CTNND2: variants seen among roughly 807,000 people sequenced by gnomAD.
The protein encoded by CTNND2 is catenin delta-2.
In CTNND2, 22 loss-of-function variants were observed where a neutral mutation model predicts 144.4. The ratio of observed to expected loss-of-function variants is 0.15; its 90% confidence interval spans 0.11 to 0.22. The LOEUF is 0.22. CTNND2 is among the 10% of genes least tolerant of loss of function. CTNND2 has a pLI of 1.00. For synonymous variants in CTNND2, 751 were observed against 695.6 expected, an observed-to-expected ratio of 1.08 and a Z score of -1.25; for missense variants, 1,353 against 1,618.8, an observed-to-expected ratio of 0.84 and a Z score of 2.82.
chr5:11,736,469 T>G (rs567220972), intron 1 of CTNND2, among the ~76,000 whole-genome samples: 17 of 152,330 alleles, frequency 1.1e-4, no homozygotes, highest in African/African-American at 4.1e-4. Flanking sequence ...TTCATAATTT[T>G]TTTAATCCAA....
chr5:11,439,114 C>T (rs939279521), intron 3 of CTNND2, among the ~76,000 whole-genome samples: 3 of 152,094 alleles, frequency 2.0e-5, no homozygotes, highest in African/African-American at 7.2e-5. Context: ...TCAGTAACCT[C>T]TCATTTCCTG....
At chr5:11,482,179 A>G (rs1332115024) in intron 3 of CTNND2, among the ~76,000 whole-genome samples, 2 of 152,132 alleles carry the variant, frequency 1.3e-5, no homozygotes, top group Non-Finnish European at 2.9e-5. Flanking sequence ...GGTGTTTTGC[A>G]GTTTCCCAGG....
chr5:11,311,973 A>G (rs1476407339), intron 9 of CTNND2, among the ~76,000 whole-genome samples: 1 of 136,566 alleles, frequency 7.3e-6, no homozygotes, highest in African/African-American at 2.9e-5. Context: ...TCCCACACAC[A>G]CCCACACACT....
chr5:11,526,597 C>T (rs1056142277), intron 3 of CTNND2, among the ~76,000 whole-genome samples: 1 of 152,188 alleles, frequency 6.6e-6, no homozygotes, highest in East Asian at 1.9e-4. Context: ...CAGCCCTCTT[C>T]TAAACATGTC....
intron 1 of CTNND2, among the ~76,000 whole-genome samples, chr5:11,879,339 GTGTATA>G (rs1735802976): frequency 2.0e-5 from 2 of 101,004 alleles, no homozygotes; most frequent in Admixed American, 1.1e-4. Flanking sequence ...AATTAAATGT[GTGTATA>G]TATATATATA....
Position 11,438,619 on chromosome 5 carries a change from T to C in CTNND2, c.288-26550A>G, listed in dbSNP as rs61755474. 5.8e-3 allele frequency among the ~76,000 whole-genome samples: 876 copies of C among 152,328 alleles called. 15 individuals are homozygous for C. Among genetic ancestry groups the C allele is most frequent in the African/African-American group, 0.02 (829 of 41,580 alleles). On this transcript the variant is annotated intron_variant, in intron 3 of 21. Transcript: ENST00000304623. Reference sequence around the variant, plus strand: ...AGCAGCAAATGACTAAGAATGAACATGATTATTAATCTTCATGATCTACAG... The same window carrying C: ...AGCAGCAAATGACTAAGAATGAACACGATTATTAATCTTCATGATCTACAG...
Position 10,988,366 on chromosome 5 carries a change from G to T in CTNND2, c.3212-124C>A. 8.3e-7 allele frequency: 1 copy of T among 1,205,898 alleles called. No homozygotes were observed. The highest frequency in any genetic ancestry group is 1.2e-6 in the Non-Finnish European group (1 of 866,522). The allele number at this position is 1,205,898 out of a possible 1,614,324, so 74.7% of individuals were successfully genotyped here. On this transcript the variant is annotated intron_variant, in intron 19 of 21. Coordinates refer to ENST00000304623, the MANE Select transcript of CTNND2 (RefSeq NM_001332.4). This position sits in a 1 kb window ranked among gnomAD's most constrained non-coding sequence, Gnocchi z 5.9. ...TCAATGCCTACGTGAGGACCTGATG[G>T]GTTTTCTTTTTAATTTTTATTTTTT...
chr5:11,158,291 A>G (rs1028649705), intron 12 of CTNND2, among the ~76,000 whole-genome samples: 17 of 152,194 alleles, frequency 1.1e-4, no homozygotes, highest in Admixed American at 9.8e-4. Context: ...AGAGCCTACA[A>G]TTTTAGCTTT....
At chr5:11,877,768 C>T (rs1451786698) in intron 1 of CTNND2, among the ~76,000 whole-genome samples, 1 of 152,048 alleles carries the variant, frequency 6.6e-6, no homozygotes, top group African/African-American at 2.4e-5. Context: ...GGTATCATTT[C>T]TCTTTAAGAC....
intron 12 of CTNND2, among the ~76,000 whole-genome samples, chr5:11,128,952 T>TAA (rs1561350887): frequency 5.3e-4 from 25 of 47,310 alleles, no homozygotes; most frequent in African/African-American, 1.8e-3. Context: ...ATATATAATA[T>TAA]ATAAATATAT....
At chr5:11,301,882 T>C (rs556310936) in intron 9 of CTNND2, among the ~76,000 whole-genome samples, 1 of 152,214 alleles carries the variant, frequency 6.6e-6, no homozygotes, top group East Asian at 1.9e-4. Context: ...ATGATGGAAA[T>C]GACATTTTTC....
At chr5:11,416,618 T>A (rs911878490) in intron 3 of CTNND2, among the ~76,000 whole-genome samples, 10 of 152,224 alleles carry the variant, frequency 6.6e-5, no homozygotes, top group Admixed American at 5.9e-4. Context: ...GCAAACAAAC[T>A]ATTTATTTAT....
intron 1 of CTNND2, among the ~76,000 whole-genome samples, chr5:11,807,500 T>C (rs1792071552): frequency 6.6e-6 from 1 of 152,208 alleles, no homozygotes; most frequent in Non-Finnish European, 1.5e-5. Flanking sequence ...TTAGCAAATG[T>C]GCTCCACACT....
At chr5:11,578,633 C>T (rs1778153719) in intron 2 of CTNND2, among the ~76,000 whole-genome samples, 1 of 151,356 alleles carries the variant, frequency 6.6e-6, no homozygotes, top group Admixed American at 6.6e-5. Context: ...TGCACTCCAG[C>T]CTGGGCGACA....
At chr5:11,545,516 G>C (rs1323615224) in intron 3 of CTNND2, among the ~76,000 whole-genome samples, 1 of 151,620 alleles carries the variant, frequency 6.6e-6, no homozygotes, top group Non-Finnish European at 1.5e-5. Flanking sequence ...CAAAAAATTA[G>C]CTGGGCATGG....
chr5:11,385,247 G>A lies in CTNND2; in HGVS notation c.613-18C>T, dbSNP rs568787218. 1.9e-6 allele frequency: 2 copies of A among 1,060,150 alleles called. No homozygotes were observed. The highest frequency in any genetic ancestry group is 8.8e-5 in the South Asian group (2 of 22,754). The allele number at this position is 1,060,150 out of a possible 1,614,324, so 65.7% of individuals were successfully genotyped here. Reference sequence around the variant, plus strand: ...GTCGTGCCCTGTGCCCGGGAGAGGAGAGAACACGCGCACTTAGCGAGGGAG... The same window carrying A: ...GTCGTGCCCTGTGCCCGGGAGAGGAAAGAACACGCGCACTTAGCGAGGGAG... On this transcript the variant is annotated intron_variant, in intron 6 of 21. Coordinates refer to ENST00000304623, the MANE Select transcript of CTNND2 (RefSeq NM_001332.4).
chr5:11,127,533 G>A (rs1233602914), intron 12 of CTNND2, among the ~76,000 whole-genome samples: 1 of 152,216 alleles, frequency 6.6e-6, no homozygotes, highest in Non-Finnish European at 1.5e-5. Flanking sequence ...GACCCGGAGG[G>A]CAAAGCTGAG....
At chr5:11,688,860 C>T (rs924296249) in intron 2 of CTNND2, among the ~76,000 whole-genome samples, 1 of 152,172 alleles carries the variant, frequency 6.6e-6, no homozygotes, top group African/African-American at 2.4e-5. Flanking sequence ...TGCAGCAGCA[C>T]TTGGTGGTGA....
At chr5:11,670,174 G>A (rs1296995582) in intron 2 of CTNND2, among the ~76,000 whole-genome samples, 1 of 152,136 alleles carries the variant, frequency 6.6e-6, no homozygotes, top group Non-Finnish European at 1.5e-5. Context: ...TTCCAATTAT[G>A]TGTCAATTTT....
Sources: gnomAD v4.1 joint callset for allele counts (sites outside exome capture counted in the v4.1 genomes callset) on GRCh38, gnomAD v4.1.1 for gene constraint, Gnocchi (gnomAD v3.1) non-coding constraint, MANE v1.5 for transcripts, NCBI Gene and HGNC (gene_info 2026-07-23, HGNC 2026-07-21) for gene names.